PDIA4: variants seen among roughly 807,000 people sequenced by gnomAD.
PDIA4 encodes protein disulfide-isomerase A4.
In PDIA4, 33 loss-of-function variants were observed where a neutral mutation model predicts 62.1. That is an observed-to-expected ratio of 0.53 (90% CI 0.40 to 0.71). The LOEUF is 0.71. Among genes scored for constraint, PDIA4 ranks in the 30% least tolerant of loss-of-function variants. The pLI is 0.00. For missense variants in PDIA4, 804 were observed against 813.6 expected, an observed-to-expected ratio of 0.99 and a Z score of 0.14; for synonymous variants, 341 against 324.1, an observed-to-expected ratio of 1.05 and a Z score of -0.56.
chr7:149,004,105 T>C lies in PDIA4; in HGVS notation c.1627A>G (p.Lys543Glu). ...KTFDSIVMDP[K>E]KDVLIEFYAP... Reference sequence around the variant, plus strand: ...TAGAACTCGATGAGGACGTCCTTCTTGGGGTCCATCACAATGGAGTCAAAG... The same window carrying C: ...TAGAACTCGATGAGGACGTCCTTCTCGGGGTCCATCACAATGGAGTCAAAG... The change falls in exon 10 of 10, where the codon AAG becomes GAG. Residue 543 changes from lysine to glutamate, a missense_variant. Physicochemically the swap from Lys to Glu is moderately conservative, Grantham distance 56 (BLOSUM62 1). Transcript: ENST00000652332. 3.7e-6 allele frequency: 6 copies of C among 1,614,098 alleles called. No homozygotes were observed. The highest frequency in any genetic ancestry group is 5.1e-6 in the Non-Finnish European group (6 of 1,180,026).
chr7:149,021,565 G>A (rs1241151114), intron 1 of PDIA4, among the ~76,000 whole-genome samples: 3 of 151,896 alleles, frequency 2.0e-5, no homozygotes, highest in Non-Finnish European at 2.9e-5. Flanking sequence ...TGGTCCCTGG[G>A]GGCCCACCAC....
Position 149,014,944 on chromosome 7 carries a change from T to A in PDIA4, c.574A>T (p.Asn192Tyr). ...TCCACCAGAATGATATCTGCATCAT[T>A]CACAACTTCATCAAAGTTCTCTTTG... ...LTKENFDEVV[N>Y]DADIILVEFY... The change falls in exon 4 of 10, where the codon AAT becomes TAT. Residue 192 changes from asparagine (N) to tyrosine (Y), a missense_variant. Coordinates refer to ENST00000652332, the MANE Select transcript of PDIA4 (RefSeq NM_004911.5). 1 of 1,614,166 alleles carries A rather than the reference T, an allele frequency of 6.2e-7. No homozygotes were observed. Among genetic ancestry groups the A allele is most frequent in the South Asian group, 1.1e-5 (1 of 91,086 alleles).
At chr7:149,009,399 G>A (rs1161939093) in intron 6 of PDIA4, among the ~76,000 whole-genome samples, 1 of 152,176 alleles carries the variant, frequency 6.6e-6, no homozygotes, top group Admixed American at 6.5e-5. Flanking sequence ...TGATTCTTTG[G>A]CAGGGGGAAT....
At chr7:149,006,398 T>C (rs1823757793) in intron 7 of PDIA4, 3 of 214,454 alleles carry the variant, frequency 1.4e-5, no homozygotes. Flanking sequence ...TGTGTGGAAC[T>C]TTCCACCTTC....
At chr7:149,005,450 A>AG in intron 8 of PDIA4, 76 bp from the exon 9 acceptor site, 1 of 897,916 alleles carries the variant, frequency 1.1e-6, no homozygotes, top group Non-Finnish European at 1.9e-6. Flanking sequence ...GTCAGGCTTC[A>AG]GGTCCTGTCG....
Position 149,028,399 on chromosome 7 carries a change from G to C in PDIA4, c.10C>G (p.Arg4Gly). The C allele has an allele frequency of 3.3e-6, 5 of 1,515,904 alleles. No individual in the cohort carries two copies. Among genetic ancestry groups the C allele is most frequent in the Non-Finnish European group, 4.4e-6 (5 of 1,132,650 alleles). The allele number at this position is 1,515,904 out of a possible 1,614,324, so 93.9% of individuals were successfully genotyped here. Reference sequence around the variant, plus strand: ...AGCAGCAGGAGCAGGAAGGCTTTCCGGGGCCTCATGGTAGCGGGGGCGGAG... The same window carrying C: ...AGCAGCAGGAGCAGGAAGGCTTTCCCGGGCCTCATGGTAGCGGGGGCGGAG... MRP[R>G]KAFLLLLLLG... The change falls in exon 1 of 10, where the codon CGG becomes GGG. Residue 4 changes from arginine to glycine, a missense_variant. Physicochemically the swap from Arg to Gly is moderately radical, Grantham distance 125 (BLOSUM62 -2). Coordinates refer to ENST00000652332, the MANE Select transcript of PDIA4 (RefSeq NM_004911.5).
In PDIA4 at chr7:149,012,009, G is replaced by A; in HGVS notation, c.821-5C>T. ...CGATCATGTAATCAACGATTCCTGG[G>A]AGCAGGGCACACGCCTGAGCAGGGG... On this transcript the variant is annotated splice_region_variant and splice_polypyrimidine_tract_variant and intron_variant, in intron 5 of 9. Coordinates refer to ENST00000652332, the MANE Select transcript of PDIA4 (RefSeq NM_004911.5). 6.3e-7 allele frequency: 1 copy of A among 1,591,958 alleles called. No homozygotes were observed. The highest frequency in any genetic ancestry group is 1.7e-5 in the Admixed American group (1 of 58,140).
intron 3 of PDIA4, among the ~76,000 whole-genome samples, chr7:149,016,620 G>A (rs1250077377): frequency 2.6e-5 from 4 of 151,846 alleles, no homozygotes; most frequent in African/African-American, 7.3e-5. Flanking sequence ...CCGGGTTCAC[G>A]CCATTCTCCT....
chr7:149,026,032 C>A (rs975540573), intron 1 of PDIA4, among the ~76,000 whole-genome samples: 2 of 151,216 alleles, frequency 1.3e-5, no homozygotes, highest in African/African-American at 4.9e-5. Context: ...GGAAGGAGGG[C>A]ATTTAAGTAC....
chr7:149,013,179 C>T (rs577691081), intron 4 of PDIA4, among the ~76,000 whole-genome samples: 3 of 152,006 alleles, frequency 2.0e-5, no homozygotes, highest in East Asian at 1.9e-4. Context: ...ACCCAGGGGG[C>T]GGAGGTTGCA....
At chr7:149,009,967 G>C (rs1019079050) in intron 6 of PDIA4, among the ~76,000 whole-genome samples, 1 of 152,200 alleles carries the variant, frequency 6.6e-6, no homozygotes, top group African/African-American at 2.4e-5. Flanking sequence ...TTGGTCTAGA[G>C]GTTTGTGACT....
chr7:149,015,072 C>T (rs1824081842), intron 3 of PDIA4, 30 bp from the exon 4 acceptor site: 1 of 1,612,582 alleles, frequency 6.2e-7, no homozygotes, highest in South Asian at 1.1e-5. Context: ...ACTGAGCACA[C>T]AAGGCCCAAA....
intron 2 of PDIA4, among the ~76,000 whole-genome samples, chr7:149,020,760 A>G (rs1824314962): frequency 6.6e-6 from 1 of 152,174 alleles, no homozygotes; most frequent in Non-Finnish European, 1.5e-5. Flanking sequence ...AGACAAGAAG[A>G]CATCGCCTTC....
At position 149,015,149 on chromosome 7, in the gene PDIA4, A is replaced by C. The variant is rs1824084390; in HGVS notation, c.476-107T>G. On this transcript the variant is annotated intron_variant, in intron 3 of 9. Coordinates refer to ENST00000652332, the MANE Select transcript of PDIA4 (RefSeq NM_004911.5). ...GGGAAGAAAGCAAGTGTCGGGGCCCACAAGAACAGGAGGTGTCTGATTTCC... is the reference window on the plus strand; with the variant it reads ...GGGAAGAAAGCAAGTGTCGGGGCCCCCAAGAACAGGAGGTGTCTGATTTCC... 3.5e-6 allele frequency: 4 copies of C among 1,148,732 alleles called. No individual in the cohort carries two copies. In the East Asian group the frequency reaches 9.7e-5, roughly 28 times the overall value. 71.2% of individuals were successfully genotyped at this position (1,148,732 alleles called of 1,614,324 possible).
At chr7:149,008,131 G>A (rs777494102) in intron 7 of PDIA4, 28 bp downstream of exon 7, 1 of 1,607,514 alleles carries the variant, frequency 6.2e-7, no homozygotes, top group South Asian at 1.1e-5. Flanking sequence ...GGGTGTCCAG[G>A]GCTGGCATGG....
intron 6 of PDIA4, among the ~76,000 whole-genome samples, 173 bp downstream of exon 6, chr7:149,011,673 G>A (rs1310208428): frequency 6.6e-6 from 1 of 152,154 alleles, no homozygotes; most frequent in Admixed American, 6.5e-5. Flanking sequence ...GGCCACAGGG[G>A]ACCCATCTCC....
At chr7:149,007,016 C>G (rs1216181757) in intron 7 of PDIA4, among the ~76,000 whole-genome samples, 1 of 152,152 alleles carries the variant, frequency 6.6e-6, no homozygotes, top group African/African-American at 2.4e-5. Flanking sequence ...CAATGGCCCC[C>G]CAAGCTCATC....
At chr7:149,018,327 C>A (rs570487084) in intron 3 of PDIA4, among the ~76,000 whole-genome samples, 1 of 152,218 alleles carries the variant, frequency 6.6e-6, no homozygotes, top group African/African-American at 2.4e-5. Context: ...TGGGGCCCAG[C>A]AAGCTGAACA....
Position 149,019,217 on chromosome 7 carries a change from G to A in PDIA4, c.270-20C>T. 6.4e-7 allele frequency: 1 copy of A among 1,565,756 alleles called. No homozygotes were observed. Among genetic ancestry groups the A allele is most frequent in the Non-Finnish European group, 8.8e-7 (1 of 1,136,976 alleles). On this transcript the variant is annotated intron_variant, in intron 2 of 9. Coordinates refer to ENST00000652332, the MANE Select transcript of PDIA4 (RefSeq NM_004911.5). ...CCACACCTAACAATTAGATTAGGAAGGGCAAAAAACGTTAACTGTACCTAT... is the reference window on the plus strand; with the variant it reads ...CCACACCTAACAATTAGATTAGGAAAGGCAAAAAACGTTAACTGTACCTAT...
Sources: gnomAD v4.1 joint callset for allele counts (sites outside exome capture counted in the v4.1 genomes callset) on GRCh38, gnomAD v4.1.1 for gene constraint, MANE v1.5 for transcripts, NCBI Gene and HGNC (gene_info 2026-07-23, HGNC 2026-07-21) for gene names.